VGLL4: variants seen among roughly 807,000 people sequenced by gnomAD.
VGLL4 encodes the protein vestigial like family member 4, also known as transcription cofactor vestigial-like protein 4.
VGLL4 carries 7 observed loss-of-function variants against 21.0 expected under a neutral mutation model. The ratio of observed to expected loss-of-function variants is 0.33; its 90% CI spans 0.19 to 0.63. The LOEUF (loss-of-function observed/expected upper bound fraction) is 0.63, where lower values mean the gene tolerates loss of function less well. Ranked by LOEUF, VGLL4 falls within the 20% of genes least tolerant of loss-of-function variation. VGLL4 has a pLI of 0.78. For missense variants in VGLL4, 394 were observed against 425.7 expected, an observed-to-expected ratio of 0.93 and a Z score of 0.66; for synonymous variants, 222 against 173.2, an observed-to-expected ratio of 1.28 and a Z score of -2.21.
upstream of VGLL4, among the ~76,000 whole-genome samples, chr3:11,645,372 T>C (rs1364000041): frequency 1.4e-5 from 2 of 139,266 alleles, no homozygotes; most frequent in South Asian, 2.3e-4. Flanking sequence ...GGGTGGATCA[T>C]GAGGTCAGGA....
chr3:11,715,134 CAAAAA>C (rs755588824), intron 1 of VGLL4, among the ~76,000 whole-genome samples: 2 of 54,802 alleles, frequency 3.6e-5, no homozygotes, highest in Admixed American at 2.0e-4. Flanking sequence ...GACTCCGTCT[CAAAAA>C]AAAAAAAAAA....
intron 1 of VGLL4, among the ~76,000 whole-genome samples, chr3:11,623,562 G>C (rs1352959420): frequency 2.0e-5 from 3 of 151,846 alleles, no homozygotes; most frequent in African/African-American, 4.9e-5. Context: ...TTTCTGTCAG[G>C]GTTTTCTGTA....
At chr3:11,629,238 A>C (rs943923871) in intron 1 of VGLL4, among the ~76,000 whole-genome samples, 1 of 152,218 alleles carries the variant, frequency 6.6e-6, no homozygotes, top group East Asian at 1.9e-4. Context: ...GGGTGTAGCC[A>C]ATCTTTTCCT....
intron 2 of VGLL4, among the ~76,000 whole-genome samples, chr3:11,692,755 G>T (rs979781241): frequency 6.6e-6 from 1 of 151,028 alleles, no homozygotes; most frequent in Non-Finnish European, 1.5e-5. Flanking sequence ...GGGGGTGGGG[G>T]GATGTTTATT....
intron 2 of VGLL4, among the ~76,000 whole-genome samples, chr3:11,586,511 G>A (rs1226892351): frequency 6.6e-6 from 1 of 152,190 alleles, no homozygotes. Flanking sequence ...AATGGAGTCA[G>A]GCCTCTGATG....
chr3:11,670,453 T>G (rs1434905515), intron 2 of VGLL4, among the ~76,000 whole-genome samples: 1 of 152,188 alleles, frequency 6.6e-6, no homozygotes, highest in Non-Finnish European at 1.5e-5. Flanking sequence ...CCAATTCACC[T>G]GCGTCCCAAC....
Position 11,590,688 on chromosome 3 carries a change from G to C in VGLL4, c.272+11145C>G, listed in dbSNP as rs917663278. Among the ~76,000 whole-genome samples, 582 of 151,906 alleles carry C rather than the reference G, an allele frequency of 3.8e-3. 9 individuals carry two copies. The highest frequency in any genetic ancestry group is 0.012 in the African/African-American group (513 of 41,392). Reference sequence around the variant, plus strand: ...AGTGTGTGTGTGTGTGTGTGTGTGTGTGTGTGTGTGTGTGTGTGTGTGTTT... The same window carrying C: ...AGTGTGTGTGTGTGTGTGTGTGTGTCTGTGTGTGTGTGTGTGTGTGTGTTT... On this transcript the variant is annotated intron_variant, in intron 2 of 4. Transcript: ENST00000430365.
chr3:11,566,569 C>T (rs2073536985), intron 2 of VGLL4, among the ~76,000 whole-genome samples: 2 of 152,182 alleles, frequency 1.3e-5, no homozygotes, highest in Admixed American at 6.5e-5. Flanking sequence ...TCTGGCTTCA[C>T]GCCTCCAAAT....
At chr3:11,614,416 A>G (rs761590141) in intron 1 of VGLL4, among the ~76,000 whole-genome samples, 1 of 152,210 alleles carries the variant, frequency 6.6e-6, no homozygotes, top group Non-Finnish European at 1.5e-5. Context: ...CCAGACCCTG[A>G]GGAGTAAGAT....
At chr3:11,702,849 C>A (rs2076702597) in intron 2 of VGLL4, 7 of 855,114 alleles carry the variant, frequency 8.2e-6, no homozygotes, top group East Asian at 3.4e-5. Context: ...CTAAGGAAAA[C>A]CACCAAAATT....
At chr3:11,697,979 C>T (rs1302515237) in intron 2 of VGLL4, among the ~76,000 whole-genome samples, 1 of 152,284 alleles carries the variant, frequency 6.6e-6, no homozygotes, top group South Asian at 2.1e-4. Context: ...AAGCACTATT[C>T]CCTCCACCAA....
chr3:11,708,967 G>A (rs1302793655), intron 1 of VGLL4, among the ~76,000 whole-genome samples: 2 of 152,122 alleles, frequency 1.3e-5, no homozygotes, highest in African/African-American at 4.8e-5. Context: ...AGGAGGCTGA[G>A]GCAGAACTGC....
chr3:11,579,538 A>G (rs1376536033), intron 2 of VGLL4, among the ~76,000 whole-genome samples: 1 of 152,164 alleles, frequency 6.6e-6, no homozygotes, highest in Non-Finnish European at 1.5e-5. Context: ...ATAAAATCAT[A>G]TTTCACCCAG....
intron 2 of VGLL4, among the ~76,000 whole-genome samples, chr3:11,675,150 T>C (rs1330087627): frequency 5.9e-5 from 9 of 152,182 alleles, no homozygotes; most frequent in Admixed American, 2.6e-4. Flanking sequence ...GAGACCAGCC[T>C]GGCCAACATG....
intron 1 of VGLL4, among the ~76,000 whole-genome samples, chr3:11,607,759 CT>C (rs1426632215): frequency 1.3e-5 from 2 of 152,094 alleles, no homozygotes; most frequent in Admixed American, 1.3e-4. Context: ...AAAAACAAAC[CT>C]TTTGTTATTA....
intron 2 of VGLL4, among the ~76,000 whole-genome samples, chr3:11,675,038 G>A (rs17035080): frequency 0.018 from 2,725 of 152,282 alleles, 83 homozygotes; most frequent in African/African-American, 0.061. Context: ...CATCTTTTCG[G>A]TTTTAACCAA....
At chr3:11,576,132 C>A (rs1333539396) in intron 2 of VGLL4, among the ~76,000 whole-genome samples, 1 of 152,178 alleles carries the variant, frequency 6.6e-6, no homozygotes, top group Non-Finnish European at 1.5e-5. Context: ...TCTCACCTGC[C>A]CCCACGTTAG....
chr3:11,710,444 G>A (rs1270842232), intron 1 of VGLL4: 2 of 152,202 alleles, frequency 1.3e-5, no homozygotes, highest in Non-Finnish European at 2.9e-5. Flanking sequence ...TTAGGTAAGA[G>A]TACGAGAACA....
intron 1 of VGLL4, among the ~76,000 whole-genome samples, chr3:11,718,328 CT>C (rs2076945929): frequency 6.6e-6 from 1 of 152,188 alleles, no homozygotes; most frequent in South Asian, 2.1e-4. Flanking sequence ...TCAAGTATTT[CT>C]AAATCCTTTA....
Sources: gnomAD v4.1 joint callset for allele counts (sites outside exome capture counted in the v4.1 genomes callset) on GRCh38, gnomAD v4.1.1 for gene constraint, MANE v1.5 for transcripts, NCBI Gene and HGNC (gene_info 2026-07-23, HGNC 2026-07-21) for gene names.